KLF12: variants seen among roughly 807,000 people sequenced by gnomAD.
KLF12 encodes Krueppel-like factor 12.
KLF12 carries 9 observed loss-of-function variants against 37.8 expected under a neutral mutation model. The observed-to-expected ratio is 0.24, with a 90% confidence interval of 0.14 to 0.42. KLF12 has a LOEUF of 0.42. Ranked by LOEUF, KLF12 falls within the 10% of genes least tolerant of loss-of-function variation. KLF12 has a pLI of 1.00. For missense variants in KLF12, 411 were observed against 516.0 expected (o/e 0.80, Z 1.97); for synonymous variants, 208 against 202.1 (o/e 1.03, Z -0.25).
At chr13:73,741,787 TA>T (rs1173066981) in intron 6 of KLF12, among the ~76,000 whole-genome samples, 2 of 152,230 alleles carry the variant, frequency 1.3e-5, no homozygotes, top group Admixed American at 6.5e-5. Context: ...CAGTTAAGTT[TA>T]AAAAAATGTT....
chr13:73,779,664 TC>T, intron 5 of KLF12, among the ~76,000 whole-genome samples: 1 of 152,230 alleles, frequency 6.6e-6, no homozygotes, highest in Non-Finnish European at 1.5e-5. Flanking sequence ...TTTCCCAAGT[TC>T]TAGTTAGACA....
At chr13:73,861,505 G>A (rs191651891) in intron 3 of KLF12, among the ~76,000 whole-genome samples, 76 of 152,290 alleles carry the variant, frequency 5.0e-4, no homozygotes, top group African/African-American at 1.7e-3. Context: ...CAGGTAATGT[G>A]TCCCCCAGGG....
chr13:73,778,133 CA>C (rs781127764), intron 5 of KLF12, among the ~76,000 whole-genome samples: 38 of 96,148 alleles, frequency 4.0e-4, no homozygotes, highest in Non-Finnish European at 6.4e-4. Context: ...AAACTCTGTC[CA>C]AAAAAAAAAT....
chr13:73,752,892 A>T (rs553532419), intron 6 of KLF12, among the ~76,000 whole-genome samples: 78 of 151,500 alleles, frequency 5.1e-4, no homozygotes, highest in South Asian at 2.1e-3. Flanking sequence ...ATTTTTTTGT[A>T]AAAAATACAA....
intron 6 of KLF12, among the ~76,000 whole-genome samples, chr13:73,749,800 T>C (rs1878622570): frequency 1.3e-5 from 2 of 152,218 alleles, no homozygotes; most frequent in African/African-American, 4.8e-5. Flanking sequence ...AAGTTGGTTT[T>C]TTCTTTCTAA....
chr13:73,786,227 G>C (rs1284525289), intron 5 of KLF12, among the ~76,000 whole-genome samples: 1 of 152,162 alleles, frequency 6.6e-6, no homozygotes, highest in African/African-American at 2.4e-5. Flanking sequence ...TGGCTGCTCT[G>C]CTGGCATAAT....
upstream of KLF12, among the ~76,000 whole-genome samples, chr13:74,137,791 G>A (rs1010923384): frequency 1.3e-5 from 2 of 151,494 alleles, no homozygotes; most frequent in Non-Finnish European, 2.9e-5. Context: ...ACGAAGTTTC[G>A]CTCTTGTTGC....
intron 6 of KLF12, among the ~76,000 whole-genome samples, chr13:73,732,856 G>T (rs559470318): frequency 8.5e-5 from 13 of 152,158 alleles, no homozygotes; most frequent in African/African-American, 3.1e-4. Context: ...AGCTGAACTA[G>T]TGATGCTTTT....
chr13:73,789,864 G>T (rs1401381486), intron 5 of KLF12, among the ~76,000 whole-genome samples: 1 of 152,050 alleles, frequency 6.6e-6, no homozygotes, highest in African/African-American at 2.4e-5. Flanking sequence ...TTTTAGTAGA[G>T]ACGGGGTTTC....
Position 73,715,489 on chromosome 13 carries a change from G to A in KLF12, c.906C>T (p.Arg302=). The A allele has an allele frequency of 6.2e-7, 1 of 1,614,022 alleles. No homozygotes were observed. The highest frequency in any genetic ancestry group is 2.2e-5 in the East Asian group (1 of 44,878). Residue 302 remains arginine, a synonymous_variant, in exon 7 of 8, where the codon CGC becomes CGT. Transcript: ENST00000377669. The stretch of plus-strand genomic sequence containing the variant: ...AGTCTGGGGATTCAGACCGTCTCTG[G>A]CGTCTTGTGCTCTCAATACTAAATG...
chr13:73,989,516 T>G (rs1198769539), intron 2 of KLF12, among the ~76,000 whole-genome samples: 3 of 152,184 alleles, frequency 2.0e-5, no homozygotes, highest in Non-Finnish European at 2.9e-5. Flanking sequence ...CGCTCCCTCA[T>G]GACGTGGCAG....
At position 73,926,050 on chromosome 13, in the gene KLF12, T is replaced by C. The variant is rs774989267; in HGVS notation, c.123+17931A>G. 2.2e-4 allele frequency among the ~76,000 whole-genome samples: 34 copies of C among 152,184 alleles called. 1 individual carries two copies. Among genetic ancestry groups the C allele is most frequent in the Non-Finnish European group, 1.0e-4 (7 of 68,026 alleles). The stretch of plus-strand genomic sequence containing the variant: ...CTCCAGGTAAAGATGCTGTCGACAT[T>C]GTTGAAACAACAACAAAAGATTTAG... On this transcript the variant is annotated intron_variant, in intron 3 of 7. Coordinates refer to ENST00000377669, the MANE Select transcript of KLF12 (RefSeq NM_007249.5).
chr13:74,065,584 T>C (rs1422590587), intron 1 of KLF12, among the ~76,000 whole-genome samples: 2 of 152,124 alleles, frequency 1.3e-5, no homozygotes, highest in Non-Finnish European at 2.9e-5. Flanking sequence ...TTGTGTGTTG[T>C]ACTGTTTTCT....
At chr13:74,121,548 A>G (rs373054888) in intron 1 of KLF12, among the ~76,000 whole-genome samples, 113 of 152,232 alleles carry the variant, frequency 7.4e-4, no homozygotes, top group African/African-American at 2.0e-3. Flanking sequence ...AGCAATGCAT[A>G]TTTTTGAAAT....
At chr13:73,838,784 T>C (rs1884575776) in intron 4 of KLF12, among the ~76,000 whole-genome samples, 3 of 152,212 alleles carry the variant, frequency 2.0e-5, no homozygotes, top group Admixed American at 2.0e-4. Context: ...ATTTGATTGC[T>C]TTTGTGTGGC....
At chr13:73,855,827 A>C (rs1594175230) in intron 3 of KLF12, among the ~76,000 whole-genome samples, 1 of 100,050 alleles carries the variant, frequency 1.0e-5, no homozygotes, top group Non-Finnish European at 2.6e-5. Flanking sequence ...ATGGCATCTC[A>C]TTGTGATTTG....
the KLF12 span, chr13:74,258,123 C>T: frequency 2.0e-5 from 3 of 151,200 alleles, no homozygotes; most frequent in Non-Finnish European, 4.4e-5. Context: ...CTAAGGGCAA[C>T]TTCCTTCAAA....
At chr13:73,883,541 G>A (rs1357807849) in intron 3 of KLF12, among the ~76,000 whole-genome samples, 2 of 152,180 alleles carry the variant, frequency 1.3e-5, no homozygotes, top group Non-Finnish European at 2.9e-5. Flanking sequence ...GGGGGATACT[G>A]CTGACCTGAA....
intron 5 of KLF12, among the ~76,000 whole-genome samples, chr13:73,773,032 G>C (rs1880368709): frequency 6.6e-6 from 1 of 152,208 alleles, no homozygotes. Context: ...AAAGAAGCCA[G>C]TATAGGGAAT....
Sources: gnomAD v4.1 joint callset for allele counts (sites outside exome capture counted in the v4.1 genomes callset) on GRCh38, gnomAD v4.1.1 for gene constraint, MANE v1.5 for transcripts, NCBI Gene and HGNC (gene_info 2026-07-23, HGNC 2026-07-21) for gene names.